PPFIA2: variants seen among roughly 807,000 people sequenced by gnomAD.
PPFIA2 encodes the protein liprin-alpha-2.
A neutral mutation model predicts 175.5 loss-of-function variants in PPFIA2; 46 were observed. That is an observed-to-expected ratio of 0.26 (90% CI 0.21 to 0.34). The LOEUF is 0.34. Among genes scored for constraint, PPFIA2 ranks in the 10% least tolerant of loss-of-function variants. The pLI is 1.00. For missense variants in PPFIA2, 1,179 were observed against 1,506.1 expected (o/e 0.78, Z 3.60); for synonymous variants, 568 against 511.4 (o/e 1.11, Z -1.49).
intron 4 of PPFIA2, among the ~76,000 whole-genome samples, chr12:81,667,824 G>C (rs898363805): frequency 6.6e-6 from 1 of 152,126 alleles, no homozygotes; most frequent in East Asian, 1.9e-4. Context: ...TTATTTAACA[G>C]AGAACTTTTC....
chr12:81,271,061 T>G (rs1385366538), intron 28 of PPFIA2, among the ~76,000 whole-genome samples: 1 of 152,228 alleles, frequency 6.6e-6, no homozygotes, highest in Non-Finnish European at 1.5e-5. Flanking sequence ...TATGTTCTTA[T>G]ATTGAAAGTG....
chr12:81,332,054 C>T (rs541615070), intron 21 of PPFIA2, among the ~76,000 whole-genome samples: 1 of 152,132 alleles, frequency 6.6e-6, no homozygotes, highest in South Asian at 2.1e-4. Context: ...TGTCTCTTCT[C>T]CATACACTAT....
rs1254689237 is a variant in PPFIA2, at chr12:81,572,800, A to T, written c.303+103991T>A. 2.0e-5 allele frequency among the ~76,000 whole-genome samples: 3 copies of T among 151,930 alleles called. No individual in the cohort carries two copies. The East Asian group carries it at 5.8e-4, about 29-fold the overall frequency. ...GAAGAACTGGCTGATTTCAGGTCTAAAGAAGGCGAGCCTGAGATAGTTGTG... is the reference window on the plus strand; with the variant it reads ...GAAGAACTGGCTGATTTCAGGTCTATAGAAGGCGAGCCTGAGATAGTTGTG... On this transcript the variant is annotated intron_variant, in intron 4 of 32. Transcript: ENST00000549396.
intron 4 of PPFIA2, among the ~76,000 whole-genome samples, chr12:81,580,751 T>C (rs1170199711): frequency 1.3e-5 from 2 of 151,754 alleles, no homozygotes; most frequent in African/African-American, 4.8e-5. Context: ...TTAATGAATA[T>C]ATCGCCAACA....
At chr12:81,692,897 T>C (rs2075422298) in intron 3 of PPFIA2, among the ~76,000 whole-genome samples, 1 of 152,138 alleles carries the variant, frequency 6.6e-6, no homozygotes, top group Non-Finnish European at 1.5e-5. Context: ...TCAATAAAGA[T>C]ATAAAATTCT....
chr12:81,366,388 A>T (rs977390630), intron 14 of PPFIA2, among the ~76,000 whole-genome samples: 1 of 151,598 alleles, frequency 6.6e-6, no homozygotes, highest in Admixed American at 6.6e-5. Context: ...CACACTCATT[A>T]CCCATCCCCT....
intron 4 of PPFIA2, among the ~76,000 whole-genome samples, chr12:81,546,902 T>C (rs2067086223): frequency 6.6e-6 from 1 of 152,150 alleles, no homozygotes; most frequent in African/African-American, 2.4e-5. Context: ...GGACCACTGG[T>C]CCAGAGAACT....
At chr12:81,511,457 A>G (rs1224176078) in intron 4 of PPFIA2, among the ~76,000 whole-genome samples, 5 of 152,242 alleles carry the variant, frequency 3.3e-5, no homozygotes, top group Admixed American at 6.5e-5. Context: ...GTAATTTATA[A>G]TCATGCAAAT....
chr12:81,296,865 C>T (rs1019421780), intron 23 of PPFIA2: 4 of 151,962 alleles, frequency 2.6e-5, no homozygotes, highest in South Asian at 2.1e-4. Flanking sequence ...TCCTGATATC[C>T]GTTCCCTTCT....
At chr12:81,533,586 C>T (rs1019846596) in intron 4 of PPFIA2, among the ~76,000 whole-genome samples, 9 of 151,318 alleles carry the variant, frequency 5.9e-5, no homozygotes, top group Non-Finnish European at 1.2e-4. Flanking sequence ...AAAAATTGCT[C>T]TGAATAAGAA....
At chr12:81,437,692 G>A (rs1042201666) in intron 7 of PPFIA2, among the ~76,000 whole-genome samples, 2 of 151,988 alleles carry the variant, frequency 1.3e-5, no homozygotes, top group Admixed American at 6.6e-5. Context: ...AATATTTTGA[G>A]AAATGCATCC....
At chr12:81,490,778 CT>C (rs2059343426) in intron 4 of PPFIA2, among the ~76,000 whole-genome samples, 1 of 151,900 alleles carries the variant, frequency 6.6e-6, no homozygotes, top group South Asian at 2.1e-4. Context: ...TTTTTGACTG[CT>C]GTTTATGCCA....
intron 4 of PPFIA2, among the ~76,000 whole-genome samples, chr12:81,648,606 T>C (rs947427227): frequency 2.0e-5 from 3 of 151,952 alleles, no homozygotes; most frequent in Admixed American, 1.3e-4. Flanking sequence ...TCGGTGACTC[T>C]CATGCAGGGT....
intron 3 of PPFIA2, among the ~76,000 whole-genome samples, chr12:81,730,156 T>C (rs906786588): frequency 6.6e-6 from 1 of 151,548 alleles, no homozygotes; most frequent in Admixed American, 6.6e-5. Flanking sequence ...TATGTTCCTT[T>C]CCTCCTTTGC....
chr12:81,614,280 G>A (rs190563111), intron 4 of PPFIA2, among the ~76,000 whole-genome samples: 80 of 152,122 alleles, frequency 5.3e-4, no homozygotes, highest in South Asian at 2.1e-4. Context: ...AGATGTTTTC[G>A]TGCTCTTCAA....
chr12:81,686,759 G>C (rs10862340), intron 3 of PPFIA2, among the ~76,000 whole-genome samples: 51,673 of 151,638 alleles, frequency 0.34, 9,551 homozygotes, highest in Middle Eastern at 0.49. Context: ...ACTCTGGTAT[G>C]CATATTCCAA....
At chr12:81,575,535 T>C (rs564898137) in intron 4 of PPFIA2, among the ~76,000 whole-genome samples, 1 of 151,952 alleles carries the variant, frequency 6.6e-6, no homozygotes, top group African/African-American at 2.4e-5. Context: ...AGCACTATGA[T>C]AGACATCGGT....
At chr12:81,292,311 G>A (rs1160957314) in intron 24 of PPFIA2, 1 of 151,934 alleles carries the variant, frequency 6.6e-6, no homozygotes, top group Non-Finnish European at 1.5e-5. Flanking sequence ...CTATTTTAAT[G>A]GTCTTCTCAG....
At chr12:81,327,655 G>A (rs2055101083) in intron 21 of PPFIA2, among the ~76,000 whole-genome samples, 1 of 152,044 alleles carries the variant, frequency 6.6e-6, no homozygotes. Context: ...CCACCAGGTG[G>A]CTAGATGAAT....
Sources: allele counts gnomAD v4.1 joint callset (sites outside exome capture counted in the v4.1 genomes callset), GRCh38; gene constraint gnomAD v4.1.1; transcripts MANE v1.5; gene names NCBI Gene and HGNC (gene_info 2026-07-23, HGNC 2026-07-21).